CTNNA3: variants seen among roughly 807,000 people sequenced by gnomAD.
CTNNA3 encodes catenin alpha 3.
Under a neutral mutation model 95.7 loss-of-function variants are expected in CTNNA3, and 76 were observed. The ratio of observed to expected loss-of-function variants is 0.79; its 90% CI spans 0.66 to 0.96. The LOEUF (loss-of-function observed/expected upper bound fraction) is 0.96, where lower values mean the gene tolerates loss of function less well. Among genes scored for constraint, CTNNA3 ranks in the 40% least tolerant of loss-of-function variants. CTNNA3 has a pLI of 0.00. For synonymous variants in CTNNA3, 431 were observed against 374.4 expected (o/e 1.15, Z -1.74); for missense variants, 1,191 against 1,089.8 (o/e 1.09, Z -1.31).
chr10:65,967,158 G>A (rs182184070), intron 16 of CTNNA3, among the ~76,000 whole-genome samples: 80 of 151,422 alleles, frequency 5.3e-4, no homozygotes, highest in Admixed American at 2.0e-3. Flanking sequence ...GGGTTTCACC[G>A]TGTTATCTAG....
chr10:67,272,167 C>T (rs1417363912), intron 5 of CTNNA3, among the ~76,000 whole-genome samples: 1 of 152,114 alleles, frequency 6.6e-6, no homozygotes, highest in Non-Finnish European at 1.5e-5. Flanking sequence ...TTCTATAATT[C>T]TGAAGTTGCC....
At chr10:67,178,679 C>T (rs1029797078) in intron 7 of CTNNA3, among the ~76,000 whole-genome samples, 3 of 151,944 alleles carry the variant, frequency 2.0e-5, no homozygotes, top group African/African-American at 7.2e-5. Flanking sequence ...ATTGAACTTA[C>T]AATTTTATAA....
intron 7 of CTNNA3, among the ~76,000 whole-genome samples, chr10:66,888,411 G>A (rs532334937): frequency 1.2e-4 from 18 of 152,176 alleles, no homozygotes; most frequent in African/African-American, 3.9e-4. Context: ...CTGACATACC[G>A]AACTATGAGA....
intron 11 of CTNNA3, among the ~76,000 whole-genome samples, chr10:66,508,188 T>TGTTTTG (rs574205913): frequency 1.4e-5 from 2 of 145,460 alleles, no homozygotes; most frequent in Non-Finnish European, 3.0e-5. Context: ...TTGTTTTTTT[T>TGTTTTG]TTTTGTTTTG....
chr10:66,151,926 A>C (rs2084220926), intron 13 of CTNNA3, among the ~76,000 whole-genome samples: 2 of 152,018 alleles, frequency 1.3e-5, no homozygotes, highest in Admixed American at 1.3e-4. Context: ...GAACACATAG[A>C]TTGAATGCTA....
intron 13 of CTNNA3, among the ~76,000 whole-genome samples, chr10:66,208,713 T>G (rs989046062): frequency 2.0e-5 from 3 of 152,080 alleles, no homozygotes; most frequent in Non-Finnish European, 4.4e-5. Context: ...ACATTTACAG[T>G]GCATGTAAAC....
At chr10:66,248,780 C>G (rs2090438683) in intron 13 of CTNNA3, among the ~76,000 whole-genome samples, 1 of 152,060 alleles carries the variant, frequency 6.6e-6, no homozygotes, top group Non-Finnish European at 1.5e-5. Context: ...AGAGACAGAC[C>G]TCAATACAAT....
At chr10:67,728,684 T>C (rs1341197974) in intron 1 of CTNNA3, among the ~76,000 whole-genome samples, 1 of 151,972 alleles carries the variant, frequency 6.6e-6, no homozygotes, top group African/African-American at 2.4e-5. Flanking sequence ...CATTAACATA[T>C]GTAATTAATT....
At chr10:66,461,113 G>T (rs969646037) in intron 11 of CTNNA3, among the ~76,000 whole-genome samples, 33 of 152,252 alleles carry the variant, frequency 2.2e-4, no homozygotes, top group African/African-American at 1.9e-4. Context: ...CATTAGAGGA[G>T]CCTGGAGTTG....
At chr10:66,958,086 T>G (rs1381213445) in intron 7 of CTNNA3, among the ~76,000 whole-genome samples, 8 of 152,098 alleles carry the variant, frequency 5.3e-5, no homozygotes, top group Non-Finnish European at 4.4e-5. Context: ...TCATCCTTGC[T>G]GGCCTTCAGT....
chr10:66,599,340 C>A (rs1843836291), intron 10 of CTNNA3, among the ~76,000 whole-genome samples: 1 of 151,982 alleles, frequency 6.6e-6, no homozygotes, highest in South Asian at 2.1e-4. Flanking sequence ...AAGCTTGGTT[C>A]ATAGGCACAG....
intron 12 of CTNNA3, among the ~76,000 whole-genome samples, chr10:66,326,779 T>C (rs1341385660): frequency 6.6e-6 from 1 of 152,058 alleles, no homozygotes; most frequent in Non-Finnish European, 1.5e-5. Context: ...TAGTCTCTAG[T>C]ATCTTCCTCT....
rs2091911476 is a variant in CTNNA3, at chr10:66,304,854, A to G, written c.1733-24233T>C. Among the ~76,000 whole-genome samples the G allele has an allele frequency of 3.3e-5, 5 of 152,324 alleles. No individual in the cohort carries two copies. In the South Asian group the frequency reaches 1.0e-3, roughly 32 times the overall value. On this transcript the variant is annotated intron_variant, in intron 12 of 17. Coordinates refer to ENST00000433211, the MANE Select transcript of CTNNA3 (RefSeq NM_013266.4). ...AGGACCATGAGGTAAGGTTAAGTAC[A>G]TAGATATTTACTTGATTTATTATTA...
chr10:67,573,578 C>T (rs1344377558), intron 3 of CTNNA3, among the ~76,000 whole-genome samples: 4 of 151,926 alleles, frequency 2.6e-5, no homozygotes, highest in Admixed American at 6.6e-5. Flanking sequence ...TTTGTAAAAG[C>T]TGAAAAGAAG....
chr10:66,698,647 T>G (rs7074487), intron 9 of CTNNA3, among the ~76,000 whole-genome samples: 3 of 152,178 alleles, frequency 2.0e-5, no homozygotes, highest in Non-Finnish European at 4.4e-5. Context: ...TCACGTAAGA[T>G]GCAAAATCTT....
intron 13 of CTNNA3, among the ~76,000 whole-genome samples, chr10:66,180,697 G>T (rs1030191386): frequency 1.8e-4 from 27 of 152,216 alleles, no homozygotes; most frequent in African/African-American, 6.5e-4. Context: ...TTATCAGTCT[G>T]AAAAGATTAT....
At chr10:66,256,265 G>A (rs2090767956) in intron 13 of CTNNA3, among the ~76,000 whole-genome samples, 1 of 152,100 alleles carries the variant, frequency 6.6e-6, no homozygotes, top group East Asian at 1.9e-4. Context: ...GACCCCCAAA[G>A]CCCTGCAGGC....
chr10:67,321,660 A>C (rs1382461677), intron 5 of CTNNA3, among the ~76,000 whole-genome samples: 1 of 152,148 alleles, frequency 6.6e-6, no homozygotes, highest in Non-Finnish European at 1.5e-5. Context: ...AGATGATCTC[A>C]AATGCTGCCA....
intron 4 of CTNNA3, among the ~76,000 whole-genome samples, chr10:67,526,349 A>ATTTT (rs34051034): frequency 7.4e-6 from 1 of 135,646 alleles, no homozygotes; most frequent in African/African-American, 2.7e-5. Context: ...ATCTCAAATG[A>ATTTT]TTTTTTTTTT....
Sources: allele counts gnomAD v4.1 joint callset (sites outside exome capture counted in the v4.1 genomes callset), GRCh38; gene constraint gnomAD v4.1.1; transcripts MANE v1.5; gene names NCBI Gene and HGNC (gene_info 2026-07-23, HGNC 2026-07-21).